MAP3K7CL: variants seen among roughly 807,000 people sequenced by gnomAD.
MAP3K7CL encodes MAP3K7 C-terminal like.
A neutral mutation model predicts 18.6 loss-of-function variants in MAP3K7CL; 16 were observed. The observed-to-expected ratio is 0.86, with a 90% CI of 0.58 to 1.31. The LOEUF is 1.31. MAP3K7CL is among the 50% of genes most tolerant of loss of function. MAP3K7CL has a pLI of 0.00. For missense variants in MAP3K7CL, 163 were observed against 174.4 expected (o/e 0.93, Z 0.37); for synonymous variants, 65 against 66.8 (o/e 0.97, Z 0.13).
chr21:29,130,865 A>C lies in MAP3K7CL; in HGVS notation c.-98A>C. ...GAGTCTCTACTCCACAAAGGCAACG[A>C]CTGGCCAAGGCAGTGGCTGGCTCTG... On this transcript the variant is annotated 5_prime_UTR_variant, in exon 1 of 5. Transcript: ENST00000399928. 2 of 985,582 alleles carry C rather than the reference A, an allele frequency of 2.0e-6. No homozygotes were observed. Among genetic ancestry groups the C allele is most frequent in the Non-Finnish European group, 2.4e-6 (2 of 830,028 alleles). The allele number at this position is 985,582 out of a possible 1,614,324, so 61.1% of individuals were successfully genotyped here. A position where few individuals can be genotyped will look rare whatever the true frequency, so the allele number is the denominator to read the frequency against.
At chr21:29,092,736 A>G (rs543337528) in intron 4 of MAP3K7CL, among the ~76,000 whole-genome samples, 2 of 152,226 alleles carry the variant, frequency 1.3e-5, no homozygotes, top group African/African-American at 2.4e-5. Context: ...GTGTTCTTCT[A>G]TCTCCTTCAG....
intron 4 of MAP3K7CL, among the ~76,000 whole-genome samples, chr21:29,172,583 TAGC>T (rs2087866598): frequency 2.0e-5 from 3 of 152,238 alleles, no homozygotes; most frequent in African/African-American, 4.8e-5. Context: ...CCCCCAGGTT[TAGC>T]ATCCGGTCTT....
At chr21:29,135,134 C>G (rs2086858581) in intron 2 of MAP3K7CL, among the ~76,000 whole-genome samples, 1 of 152,150 alleles carries the variant, frequency 6.6e-6, no homozygotes. Flanking sequence ...GATTGCCACC[C>G]AGAGACCACA....
intron 4 of MAP3K7CL, among the ~76,000 whole-genome samples, chr21:29,096,274 G>A (rs1216555456): frequency 6.6e-6 from 1 of 152,172 alleles, no homozygotes; most frequent in Admixed American, 6.5e-5. Context: ...CGTACTTTGG[G>A]CCAAGCACTA....
At chr21:29,134,072 G>A (rs1464414362) in intron 2 of MAP3K7CL, among the ~76,000 whole-genome samples, 19 of 152,224 alleles carry the variant, frequency 1.2e-4, no homozygotes, top group Admixed American at 1.2e-3. Context: ...AGGAAGGCTT[G>A]GCTCTCTTCC....
At chr21:29,164,870 AGGC>A (rs2087646583) in intron 4 of MAP3K7CL, among the ~76,000 whole-genome samples, 1 of 152,164 alleles carries the variant, frequency 6.6e-6, no homozygotes, top group Non-Finnish European at 1.5e-5. Context: ...AATTCTTTCT[AGGC>A]CTTTTGCATG....
At chr21:29,171,770 G>A (rs76542001) in intron 4 of MAP3K7CL, among the ~76,000 whole-genome samples, 17,382 of 131,400 alleles carry the variant, frequency 0.13, 2,359 homozygotes, top group African/African-American at 0.37. Context: ...TCACGCCACC[G>A]CACTCCAGTC....
At chr21:29,094,521 A>T (rs1281218184) in intron 4 of MAP3K7CL, among the ~76,000 whole-genome samples, 1 of 152,202 alleles carries the variant, frequency 6.6e-6, no homozygotes, top group Non-Finnish European at 1.5e-5. Context: ...ATCCTTCACT[A>T]TGCATGGGTC....
intron 2 of MAP3K7CL, among the ~76,000 whole-genome samples, chr21:29,146,516 T>C (rs971930962): frequency 1.6e-4 from 24 of 152,184 alleles, no homozygotes; most frequent in African/African-American, 5.8e-4. Flanking sequence ...GGCACAGTAA[T>C]TGGCAGAATT....
upstream of MAP3K7CL, among the ~76,000 whole-genome samples, chr21:29,082,987 GA>G (rs200926489): frequency 5.2e-3 from 786 of 151,316 alleles, 6 homozygotes; most frequent in African/African-American, 0.018. Context: ...TATCTGTATT[GA>G]AAAAACTCTA....
At chr21:29,174,214 A>T (rs1276869969) in intron 4 of MAP3K7CL, among the ~76,000 whole-genome samples, 1 of 152,160 alleles carries the variant, frequency 6.6e-6, no homozygotes, top group Non-Finnish European at 1.5e-5. Context: ...ATAGGAGGTA[A>T]TATCTACAAG....
chr21:29,092,411 CTTTGA>C (rs2086044100), intron 3 of MAP3K7CL: 1 of 1,612,528 alleles, frequency 6.2e-7, no homozygotes, highest in African/African-American at 1.3e-5. Context: ...CTCATCATGA[CTTTGA>C]TTTGGCCTTG....
At chr21:29,116,970 A>G (rs1299481525) in intron 4 of MAP3K7CL, among the ~76,000 whole-genome samples, 1 of 152,182 alleles carries the variant, frequency 6.6e-6, no homozygotes, top group Non-Finnish European at 1.5e-5. Context: ...TGTTTAGATT[A>G]ATTTGGCAAC....
At chr21:29,153,190 G>T (rs1455542997) in intron 3 of MAP3K7CL, among the ~76,000 whole-genome samples, 1 of 152,202 alleles carries the variant, frequency 6.6e-6, no homozygotes, top group Non-Finnish European at 1.5e-5. Flanking sequence ...AAAATATTGA[G>T]CAAGAGACCG....
At chr21:29,081,208 A>G (rs1157041500), upstream of MAP3K7CL, among the ~76,000 whole-genome samples, 2 of 152,194 alleles carry the variant, frequency 1.3e-5, no homozygotes, top group Admixed American at 6.5e-5. Flanking sequence ...GCTGATTAAA[A>G]AGGCCAAATT....
rs150518714 is a variant in MAP3K7CL at position 29,095,040 on chromosome 21, A to G, written c.370+2459A>G. On this transcript the variant is annotated intron_variant, in intron 4 of 6. Coordinates refer to the MAP3K7CL transcript ENST00000286791. ...ACCACTGCACTCCAGCCTGGGTGAT[A>G]GAGCCAGATCCTGTCTCAGAAATGA... 6.9e-3 allele frequency among the ~76,000 whole-genome samples: 1,011 copies of G among 145,558 alleles called. 8 individuals carry two copies. Among genetic ancestry groups the G allele is most frequent in the African/African-American group, 0.024 (951 of 39,650 alleles).
At chr21:29,144,036 T>C (rs1381654742) in intron 2 of MAP3K7CL, among the ~76,000 whole-genome samples, 1 of 152,208 alleles carries the variant, frequency 6.6e-6, no homozygotes, top group Non-Finnish European at 1.5e-5. Flanking sequence ...TGTTGAAATG[T>C]TCTCTCTGTC....
intron 4 of MAP3K7CL, among the ~76,000 whole-genome samples, chr21:29,161,180 G>T (rs1314445069): frequency 6.6e-6 from 1 of 152,044 alleles, no homozygotes; most frequent in Non-Finnish European, 1.5e-5. Flanking sequence ...TGTGGTGGCG[G>T]GCACCTGTAA....
intron 2 of MAP3K7CL, among the ~76,000 whole-genome samples, chr21:29,143,199 T>G (rs928364546): frequency 1.5e-5 from 2 of 129,984 alleles, no homozygotes; most frequent in African/African-American, 5.9e-5. Flanking sequence ...ACTATAGCAT[T>G]AAATTAAGCG....
Sources: allele counts gnomAD v4.1 joint callset (sites outside exome capture counted in the v4.1 genomes callset), GRCh38; gene constraint gnomAD v4.1.1; transcripts MANE v1.5; gene names NCBI Gene and HGNC (gene_info 2026-07-23, HGNC 2026-07-21).